The following RIMKLB variants were observed in gnomAD, a reference collection of about 807,000 sequenced individuals.
The protein encoded by RIMKLB is beta-citrylglutamate synthase B.
RIMKLB carries 7 observed loss-of-function variants against 32.0 expected under a neutral mutation model. The observed-to-expected ratio is 0.22, with a 90% CI of 0.12 to 0.41. The LOEUF is 0.41. Ranked by LOEUF, RIMKLB falls within the 10% of genes least tolerant of loss-of-function variation. The pLI is 1.00. For synonymous variants in RIMKLB, 172 were observed against 185.1 expected (o/e 0.93, Z 0.57); for missense variants, 289 against 498.7 (o/e 0.58, Z 4.00).
the RIMKLB span, among the ~76,000 whole-genome samples, chr12:8,669,612 A>G: frequency 6.6e-6 from 1 of 152,172 alleles, no homozygotes; most frequent in Non-Finnish European, 1.5e-5. Context: ...TACATAAATT[A>G]TATACCTCCT....
At position 8,761,272 on chromosome 12, in the gene RIMKLB, C is replaced by CAA. The variant is rs35464055; in HGVS notation, c.697+7197_697+7198dup. Among the ~76,000 whole-genome samples, 439 of 55,838 alleles carry CAA rather than the reference C, an allele frequency of 7.9e-3. 3 individuals are homozygous for CAA. The highest frequency in any genetic ancestry group is 0.017 in the African/African-American group (374 of 21,578). 36.6% of individuals were successfully genotyped at this position (55,838 alleles called of 152,430 possible). On this transcript the variant is annotated intron_variant, in intron 5 of 5. Coordinates refer to ENST00000535829, the MANE Select transcript of RIMKLB (RefSeq NM_001297776.2). The stretch of plus-strand genomic sequence containing the variant: ...AGACGAGAGGGTGAGGGGGAGATAG[C>CAA]AAAAAAAAAAAAAAAAAAAGAATTT...
the RIMKLB span, among the ~76,000 whole-genome samples, chr12:8,676,293 C>T: frequency 2.0e-5 from 3 of 148,734 alleles, no homozygotes; most frequent in Non-Finnish European, 1.5e-5. Flanking sequence ...GGGCTGGTCT[C>T]GAGCTCCTGA....
chr12:8,725,435 G>A (rs1289077222), intron 2 of RIMKLB, among the ~76,000 whole-genome samples: 5 of 152,104 alleles, frequency 3.3e-5, no homozygotes, highest in Non-Finnish European at 7.4e-5. Flanking sequence ...ACGCCAGCAC[G>A]CGCAGCTAAT....
upstream of RIMKLB, among the ~76,000 whole-genome samples, chr12:8,696,122 C>T (rs1942881970): frequency 6.6e-6 from 1 of 152,074 alleles, no homozygotes; most frequent in Non-Finnish European, 1.5e-5. Context: ...AAGAGTGGGA[C>T]TGAAGGAATA....
At chr12:8,679,182 G>A (rs1259619494), upstream of RIMKLB, 5 of 152,130 alleles carry the variant, frequency 3.3e-5, no homozygotes, top group Non-Finnish European at 7.3e-5. Context: ...TTTATTCTTT[G>A]TTTTTGTTTT....
chr12:8,747,071 G>A (rs1408200343), intron 2 of RIMKLB, among the ~76,000 whole-genome samples: 1 of 152,124 alleles, frequency 6.6e-6, no homozygotes, highest in Admixed American at 6.5e-5. Context: ...CTTGGTGGTG[G>A]ATTCTCAAGA....
upstream of RIMKLB, among the ~76,000 whole-genome samples, chr12:8,696,694 C>A (rs773831709): frequency 7.2e-5 from 11 of 152,314 alleles, no homozygotes; most frequent in East Asian, 3.9e-4. Flanking sequence ...AGTTACCACC[C>A]TGGGTTATGC....
chr12:8,727,915 A>AAT (rs34300655), intron 2 of RIMKLB, among the ~76,000 whole-genome samples: 1 of 151,078 alleles, frequency 6.6e-6, no homozygotes, highest in East Asian at 1.9e-4. Context: ...AAAAAAAAAA[A>AAT]TCTAGTATTT....
intron 2 of RIMKLB, among the ~76,000 whole-genome samples, chr12:8,744,186 A>G (rs1947861260): frequency 6.6e-6 from 1 of 152,008 alleles, no homozygotes; most frequent in African/African-American, 2.4e-5. Context: ...GCAGAGTCCT[A>G]AGAGATGCCA....
intron 2 of RIMKLB, among the ~76,000 whole-genome samples, chr12:8,741,086 G>T (rs1260739518): frequency 2.0e-5 from 3 of 152,130 alleles, no homozygotes; most frequent in Non-Finnish European, 4.4e-5. Context: ...GTGTGCTGTA[G>T]TCCCAGCTAC....
rs750726420 is a variant in RIMKLB, at chr12:8,723,798, A to C, written c.175+9757A>C. 4.6e-5 allele frequency among the ~76,000 whole-genome samples: 6 copies of C among 129,526 alleles called. No individual in the cohort carries two copies. In the South Asian group the frequency reaches 1.4e-3, roughly 31 times the overall value. 85.0% of individuals were successfully genotyped at this position (129,526 alleles called of 152,430 possible). A position where few individuals can be genotyped will look rare whatever the true frequency, so the allele number is the denominator to read the frequency against. ...CCTGTAATTCTCATAGGCTTTCTTC[A>C]GTTCCCTTTTTTTTTTTTTTTTTTT... On this transcript the variant is annotated intron_variant, in intron 2 of 5. Transcript: ENST00000535829.
intron 5 of RIMKLB, among the ~76,000 whole-genome samples, chr12:8,764,087 C>T (rs1565416458): frequency 6.6e-6 from 1 of 152,150 alleles, no homozygotes; most frequent in South Asian, 2.1e-4. Flanking sequence ...CGTTGGGTTT[C>T]TGTACTCCTA....
Position 8,703,854 on chromosome 12 carries a change from A to G in RIMKLB, c.-57+5557A>G, listed in dbSNP as rs759807481. On this transcript the variant is annotated intron_variant, in intron 1 of 5. Transcript: ENST00000535829. ...TTAAATGATAAAAATAAACCATCTCATATTGTGTTTGGTACATATAATTAC... is the reference window on the plus strand; with the variant it reads ...TTAAATGATAAAAATAAACCATCTCGTATTGTGTTTGGTACATATAATTAC... 9.8e-5 allele frequency among the ~76,000 whole-genome samples: 15 copies of G among 152,342 alleles called. No individual in the cohort carries two copies. The East Asian group carries it at 2.9e-3, about 29-fold the overall frequency.
chr12:8,700,625 T>G (rs1246474315), intron 1 of RIMKLB: 1 of 152,210 alleles, frequency 6.6e-6, no homozygotes, highest in East Asian at 1.9e-4. Context: ...GTGAGTTTTA[T>G]TGTATGTTGC....
intron 2 of RIMKLB, among the ~76,000 whole-genome samples, chr12:8,743,810 C>T (rs1349260039): frequency 3.3e-5 from 5 of 151,908 alleles, no homozygotes; most frequent in Admixed American, 2.6e-4. Context: ...CTTATTGTTA[C>T]GTTAGCACTT....
intron 1 of RIMKLB, among the ~76,000 whole-genome samples, chr12:8,682,541 G>A (rs1000239499): frequency 6.6e-6 from 1 of 152,062 alleles, no homozygotes. Context: ...GGGAGGCCGA[G>A]GCGGGCGGAT....
At chr12:8,702,222 G>A (rs748859874) in intron 1 of RIMKLB, among the ~76,000 whole-genome samples, 19 of 152,154 alleles carry the variant, frequency 1.2e-4, no homozygotes, top group Non-Finnish European at 2.4e-4. Flanking sequence ...TTTCTTCATG[G>A]AGTTTACAGA....
At chr12:8,728,651 T>C (rs766606826) in intron 2 of RIMKLB, among the ~76,000 whole-genome samples, 4 of 152,144 alleles carry the variant, frequency 2.6e-5, no homozygotes, top group African/African-American at 9.6e-5. Context: ...TCACTCTGTT[T>C]CCCAGGTTAG....
chr12:8,694,181 CAAGATCTCACCA>C, upstream of RIMKLB, among the ~76,000 whole-genome samples: 1 of 151,948 alleles, frequency 6.6e-6, no homozygotes, highest in South Asian at 2.1e-4. Context: ...TGCAGTGAGC[CAAGATCTCACCA>C]CTGCACTCCA....
Sources: gnomAD v4.1 joint callset for allele counts (sites outside exome capture counted in the v4.1 genomes callset) on GRCh38, gnomAD v4.1.1 for gene constraint, MANE v1.5 for transcripts, NCBI Gene and HGNC (gene_info 2026-07-23, HGNC 2026-07-21) for gene names.